Variants in GAN observed in about 807,000 individuals in gnomAD.
The protein encoded by GAN is epididymis secretory sperm binding protein.
Under a neutral mutation model 71.3 loss-of-function variants are expected in GAN, and 48 were observed. That is an observed-to-expected ratio of 0.67 (90% CI 0.53 to 0.86). GAN has a LOEUF of 0.86. Ranked by LOEUF, GAN falls within the 40% of genes least tolerant of loss-of-function variation. The probability of loss-of-function intolerance (pLI) is 0.00; values close to 1 mark genes in which losing one functional copy is unlikely to be tolerated. For missense variants in GAN, 928 were observed against 770.1 expected (o/e 1.21, Z -2.43); for synonymous variants, 386 against 276.8 (o/e 1.39, Z -3.92).
intron 1 of GAN, among the ~76,000 whole-genome samples, chr16:81,332,864 G>T (rs936123061): frequency 1.3e-5 from 2 of 152,184 alleles, no homozygotes; most frequent in African/African-American, 2.4e-5. Context: ...GTCCTCTTCA[G>T]TGCATCATAT....
intron 1 of GAN, among the ~76,000 whole-genome samples, chr16:81,318,391 G>A (rs1158632454): frequency 1.3e-5 from 2 of 152,172 alleles, no homozygotes; most frequent in African/African-American, 4.8e-5. Context: ...GGCCTGGCAT[G>A]GTAGCTCACA....
chr16:81,343,160 C>A (rs975836728), intron 1 of GAN, among the ~76,000 whole-genome samples: 4 of 152,166 alleles, frequency 2.6e-5, no homozygotes, highest in African/African-American at 9.7e-5. Context: ...AAAAAAAAGT[C>A]CAGGACCAGA....
At chr16:81,358,066 C>T in intron 5 of GAN, 135 bp downstream of exon 5, 2 of 789,644 alleles carry the variant, frequency 2.5e-6, no homozygotes, top group Non-Finnish European at 4.3e-6. Flanking sequence ...GTAGTTCTAG[C>T]TTCTGAGACC....
rs1188305018 is a variant in GAN, at chr16:81,385,800, C to A, written c.*8204C>A. On this transcript the variant is annotated 3_prime_UTR_variant, in exon 11 of 11. Transcript: ENST00000648994. ...TTTTTTTTTTTTTTTGAGATGGAGT[C>A]TCGCTCCGTCACCCAGGCTGGAGTG... 1 of 130,032 alleles carries A rather than the reference C, an allele frequency of 7.7e-6. No individual in the cohort carries two copies. Among genetic ancestry groups the A allele is most frequent in the African/African-American group, 2.9e-5 (1 of 34,120 alleles). The allele number at this position is 130,032 out of a possible 1,614,324, so 8.1% of individuals were successfully genotyped here.
chr16:81,362,800 A>G (rs1448576431), intron 6 of GAN, among the ~76,000 whole-genome samples, 189 bp downstream of exon 6: 1 of 151,862 alleles, frequency 6.6e-6, no homozygotes, highest in East Asian at 1.9e-4. Context: ...GGCCTCCATG[A>G]GTTTCTGAAA....
chr16:81,362,776 C>G (rs904472571), intron 6 of GAN, among the ~76,000 whole-genome samples, 165 bp downstream of exon 6: 1 of 152,170 alleles, frequency 6.6e-6, no homozygotes, highest in Non-Finnish European at 1.5e-5. Flanking sequence ...CCCTTCCTGG[C>G]CCTCACTCCT....
At chr16:81,320,511 T>G (rs529607954) in intron 1 of GAN, among the ~76,000 whole-genome samples, 281 of 152,366 alleles carry the variant, frequency 1.8e-3, no homozygotes, top group Non-Finnish European at 2.7e-3. Flanking sequence ...TTCACAGTAA[T>G]GTTCAGTTAA....
intron 1 of GAN, among the ~76,000 whole-genome samples, chr16:81,348,246 A>G (rs1333048292): frequency 6.6e-6 from 1 of 151,264 alleles, no homozygotes; most frequent in Non-Finnish European, 1.5e-5. Context: ...AATCATTACC[A>G]TTTTTTGCTG....
chr16:81,357,906 A>T lies in GAN; in HGVS notation c.948A>T (p.Arg316Ser). 6.2e-7 allele frequency: 1 copy of T among 1,613,916 alleles called. No individual in the cohort carries two copies. Among genetic ancestry groups the T allele is most frequent in the South Asian group, 1.1e-5 (1 of 91,072 alleles). Residue 316 changes from arginine to serine, a missense_variant, in exon 5 of 11, where the codon AGA becomes AGT. Coordinates refer to ENST00000648994, the MANE Select transcript of GAN (RefSeq NM_022041.4). The part of the protein sequence containing the change: ...WIELAPLSMP[R>S]INHGVLSAEG... ...AACTGGCCCCTTTAAGCATGCCGAG[A>T]ATTAACCATGGAGTTCTCTCAGCAG...
chr16:81,365,165 A>T (rs959434710), intron 8 of GAN, 55 bp downstream of exon 8: 22 of 1,590,032 alleles, frequency 1.4e-5, no homozygotes, highest in Admixed American at 3.3e-5. Context: ...CTGGGTCTGG[A>T]GCCCCTTACC....
chr16:81,320,934 T>A (rs1032596079), intron 1 of GAN, among the ~76,000 whole-genome samples: 2 of 152,210 alleles, frequency 1.3e-5, no homozygotes, highest in African/African-American at 4.8e-5. Context: ...TTTTTCTTTT[T>A]TGTAATCACA....
At chr16:81,364,871 C>G in intron 7 of GAN, 103 bp from the exon 8 acceptor site, 3 of 1,143,572 alleles carry the variant, frequency 2.6e-6, no homozygotes, top group Middle Eastern at 3.9e-4. Context: ...AAATCAAACC[C>G]CTTCCTAAAT....
At position 81,377,483 on chromosome 16, in the gene GAN, C is replaced by T. The variant is rs1352607338; in HGVS notation, c.1681C>T (p.Leu561Phe). The T allele has an allele frequency of 1.9e-6, 3 of 1,614,104 alleles. No individual in the cohort carries two copies. Among genetic ancestry groups the T allele is most frequent in the East Asian group, 2.2e-5 (1 of 44,882 alleles). The change falls in exon 11 of 11, where the codon CTT becomes TTT. Residue 561 changes from leucine to phenylalanine, a missense_variant. Coordinates refer to ENST00000648994, the MANE Select transcript of GAN (RefSeq NM_022041.4). The stretch of plus-strand genomic sequence containing the variant: ...AACCTGGCACCACACTAAACCACTC[C>T]TTCCATCCGACCTTCGCCGTACAGG... ...TGTWHHTKPL[L>F]PSDLRRTGCA...
intron 1 of GAN, among the ~76,000 whole-genome samples, chr16:81,344,728 CA>C (rs1024667955): frequency 6.6e-6 from 1 of 152,084 alleles, no homozygotes; most frequent in Non-Finnish European, 1.5e-5. Context: ...ACACCAAAAG[CA>C]ATGGCAAAAA....
chr16:81,334,945 A>G (rs1476238859), intron 1 of GAN, among the ~76,000 whole-genome samples: 1 of 152,210 alleles, frequency 6.6e-6, no homozygotes, highest in African/African-American at 2.4e-5. Flanking sequence ...AGAGCAGGAA[A>G]CAAACAAAGT....
intron 1 of GAN, among the ~76,000 whole-genome samples, chr16:81,344,077 G>T (rs565522307): frequency 7.7e-4 from 117 of 152,246 alleles, no homozygotes; most frequent in African/African-American, 2.7e-3. Flanking sequence ...ACCTCTTCAA[G>T]GAGAACTACA....
rs1196632362 is a variant in GAN at position 81,385,844 on chromosome 16, G to C, written c.*8248G>C. On this transcript the variant is annotated 3_prime_UTR_variant, in exon 11 of 11. Transcript: ENST00000648994. The stretch of plus-strand genomic sequence containing the variant: ...TGGAGTGCAGTGGCGCCATCTCCCA[G>C]GCTCAAGGGATCCTCCTGCCTCGGC... 1 of 146,362 alleles carries C rather than the reference G, an allele frequency of 6.8e-6. No individual in the cohort carries two copies. Among genetic ancestry groups the C allele is most frequent in the Non-Finnish European group, 1.5e-5 (1 of 67,302 alleles). The allele number at this position is 146,362 out of a possible 1,614,324, so 9.1% of individuals were successfully genotyped here.
At chr16:81,367,538 A>G (rs892969444) in intron 9 of GAN, among the ~76,000 whole-genome samples, 3 of 152,172 alleles carry the variant, frequency 2.0e-5, no homozygotes, top group Admixed American at 1.3e-4. Context: ...CTAAATAAAT[A>G]AGAGCACTTC....
intron 1 of GAN, among the ~76,000 whole-genome samples, chr16:81,333,834 C>T (rs1909666541): frequency 6.6e-6 from 1 of 152,102 alleles, no homozygotes; most frequent in Non-Finnish European, 1.5e-5. Flanking sequence ...TGTAGCTGTC[C>T]CTCTAGGGAT....
Sources: gnomAD v4.1 joint callset for allele counts (sites outside exome capture counted in the v4.1 genomes callset) on GRCh38, gnomAD v4.1.1 for gene constraint, MANE v1.5 for transcripts, NCBI Gene and HGNC (gene_info 2026-07-23, HGNC 2026-07-21) for gene names.